NR5A2: variants seen among roughly 807,000 people sequenced by gnomAD.
The protein encoded by NR5A2 is nuclear receptor subfamily 5 group A member 2.
In NR5A2, 26 loss-of-function variants were observed where a neutral mutation model predicts 62.7. The observed-to-expected ratio is 0.41, with a 90% CI of 0.30 to 0.58. The LOEUF is 0.58. NR5A2 is among the 20% of genes least tolerant of loss of function. The pLI is 0.22. For missense variants in NR5A2, 541 were observed against 669.1 expected, an observed-to-expected ratio of 0.81 and a Z score of 2.11; for synonymous variants, 246 against 241.7, an observed-to-expected ratio of 1.02 and a Z score of -0.16.
chr1:200,100,431 C>T (rs1665313214), intron 5 of NR5A2, among the ~76,000 whole-genome samples: 1 of 152,098 alleles, frequency 6.6e-6, no homozygotes, highest in African/African-American at 2.4e-5. Flanking sequence ...CCCAAAGTTA[C>T]CTGGTTAGTG....
chr1:200,056,311 T>A (rs1470106684), intron 5 of NR5A2, among the ~76,000 whole-genome samples: 1 of 152,234 alleles, frequency 6.6e-6, no homozygotes, highest in Non-Finnish European at 1.5e-5. Flanking sequence ...ACTGTGGGGA[T>A]GTGTATTGTT....
intron 5 of NR5A2, among the ~76,000 whole-genome samples, chr1:200,063,217 T>C (rs1175294200): frequency 6.6e-6 from 1 of 152,006 alleles, no homozygotes; most frequent in Admixed American, 6.6e-5. Flanking sequence ...GTGGAGACAG[T>C]GTTTCACCAT....
At chr1:200,110,515 T>G (rs896006175) in intron 5 of NR5A2, among the ~76,000 whole-genome samples, 1 of 152,186 alleles carries the variant, frequency 6.6e-6, no homozygotes, top group Admixed American at 6.5e-5. Context: ...GGAAGATACT[T>G]ACTGTTCTTG....
At chr1:200,086,453 G>A (rs574991163) in intron 5 of NR5A2, among the ~76,000 whole-genome samples, 195 of 152,118 alleles carry the variant, frequency 1.3e-3, no homozygotes, top group Non-Finnish European at 2.2e-3. Context: ...ACAGGCATGC[G>A]CCACCATACC....
chr1:200,048,910 T>G lies in NR5A2; in HGVS notation c.1110+92T>G, dbSNP rs1662509454. The G allele has an allele frequency of 1.4e-6, 2 of 1,431,848 alleles. No individual in the cohort carries two copies. The highest frequency in any genetic ancestry group is 1.9e-6 in the Non-Finnish European group (2 of 1,048,628). 88.7% of individuals were successfully genotyped at this position (1,431,848 alleles called of 1,614,324 possible). A position where few individuals can be genotyped will look rare whatever the true frequency, so the allele number is the denominator to read the frequency against. The stretch of plus-strand genomic sequence containing the variant: ...ATACATTCTTGGTGCTGAAAATATG[T>G]GTTCCTTAATTTTCTACTTTGTATG... On this transcript the variant is annotated intron_variant, in intron 5 of 7. Transcript: ENST00000367362. The surrounding 1 kb of genome is among the most constrained non-coding windows in gnomAD (Gnocchi z 4.8).
intron 5 of NR5A2, among the ~76,000 whole-genome samples, chr1:200,080,660 T>C (rs753403018): frequency 3.3e-5 from 5 of 152,236 alleles, no homozygotes; most frequent in Non-Finnish European, 2.9e-5. Context: ...TTTGTGGACA[T>C]TTTATCTCGA....
At chr1:200,097,679 T>C (rs1665162228) in intron 5 of NR5A2, among the ~76,000 whole-genome samples, 1 of 152,192 alleles carries the variant, frequency 6.6e-6, no homozygotes, top group South Asian at 2.1e-4. Flanking sequence ...AAAGGGATTG[T>C]CTTGGGACTG....
intron 5 of NR5A2, among the ~76,000 whole-genome samples, chr1:200,099,356 T>C (rs77914286): frequency 5.0e-5 from 7 of 140,258 alleles, no homozygotes; most frequent in South Asian, 4.6e-4. Context: ...TTTTTTTTTT[T>C]CCTGGCTTTG....
At position 200,048,439 on chromosome 1, in the gene NR5A2, C is replaced by G. The variant is rs749157454; in HGVS notation, c.731C>G (p.Pro244Arg). Residue 244 changes from proline (P) to arginine (R), a missense_variant, in exon 5 of 8, where the codon CCC becomes CGC. Pro to Arg is a moderately radical substitution (Grantham distance 103). Around this residue, in one of 3 missense-constraint regions of NR5A2, gnomAD observed 379 missense variants for 442.0 expected, o/e 0.86. Coordinates refer to ENST00000367362, the MANE Select transcript of NR5A2 (RefSeq NM_205860.3). The surrounding 1 kb of genome is among the most constrained non-coding windows in gnomAD (Gnocchi z 4.8). ...DYDRSPFVTS[P>R]ISMTMPPHGS... ...GACAGAAGTCCCTTTGTAACATCCC[C>G]CATTAGCATGACAATGCCCCCTCAC... is the stretch of plus-strand genomic sequence containing the variant. 2.5e-6 allele frequency: 4 copies of G among 1,614,196 alleles called. No individual in the cohort carries two copies. Among genetic ancestry groups the G allele is most frequent in the Non-Finnish European group, 3.4e-6 (4 of 1,180,042 alleles).
In NR5A2 at chr1:200,175,859, C is replaced by T. The variant is rs1051595580; in HGVS notation, c.*1649C>T. 1 of 152,594 alleles carries T rather than the reference C, an allele frequency of 6.6e-6. No homozygotes were observed. Among genetic ancestry groups the T allele is most frequent in the Non-Finnish European group, 1.5e-5 (1 of 68,020 alleles). The allele number at this position is 152,594 out of a possible 1,614,324, so 9.5% of individuals were successfully genotyped here. ...TAGAAACTGTAAAAAATAAAAGTAT[C>T]TCCTAGTCCCTTAATTTTTTCATAA... On this transcript the variant is annotated 3_prime_UTR_variant, in exon 8 of 8. Transcript: ENST00000367362.
intron 7 of NR5A2, among the ~76,000 whole-genome samples, chr1:200,151,731 G>A (rs572153079): frequency 5.9e-5 from 9 of 152,330 alleles, no homozygotes; most frequent in South Asian, 4.1e-4. Flanking sequence ...CGATTCCTAC[G>A]TGGTTTTTGT....
intron 1 of NR5A2, among the ~76,000 whole-genome samples, chr1:200,030,300 G>C (rs772068040): frequency 6.6e-6 from 1 of 152,136 alleles, no homozygotes; most frequent in Non-Finnish European, 1.5e-5. Context: ...TTAAAAAGCT[G>C]TCTCCATGGT....
chr1:200,045,780 A>C (rs1287707279), intron 4 of NR5A2, among the ~76,000 whole-genome samples, 196 bp downstream of exon 4: 1 of 152,154 alleles, frequency 6.6e-6, no homozygotes, highest in Non-Finnish European at 1.5e-5. Context: ...ACTAGGAAAA[A>C]AATTTAAAAT....
Position 200,120,948 on chromosome 1 carries a change from T to C in NR5A2, c.1371T>C (p.Phe457=). ...TATGTCTGAAATTCTTGGTGCTCTTTAGTTTAGGTAAGAAATCCTTTTCTC... is the reference window on the plus strand; with the variant it reads ...TATGTCTGAAATTCTTGGTGCTCTTCAGTTTAGGTAAGAAATCCTTTTCTC... The part of the protein sequence containing the change: ...EFVCLKFLVL[F]SLDVKNLENF... The change falls in exon 7 of 8, where the codon TTT becomes TTC. Residue 457 remains phenylalanine (F), a synonymous_variant. Coordinates refer to ENST00000367362, the MANE Select transcript of NR5A2 (RefSeq NM_205860.3). The C allele has an allele frequency of 6.2e-7, 1 of 1,613,920 alleles. No homozygotes were observed. The highest frequency in any genetic ancestry group is 8.5e-7 in the Non-Finnish European group (1 of 1,179,906).
Position 200,039,524 on chromosome 1 carries a change from G to C in NR5A2, c.65-134G>C. The C allele has an allele frequency of 7.8e-7, 1 of 1,285,920 alleles. No individual in the cohort carries two copies. The highest frequency in any genetic ancestry group is 1.3e-5 in the South Asian group (1 of 74,986). The allele number at this position is 1,285,920 out of a possible 1,614,324, so 79.7% of individuals were successfully genotyped here. The stretch of plus-strand genomic sequence containing the variant: ...CTCCGGAGCTGCGAGACCGGACAGG[G>C]CTCAGAGGTCCTGCCCGGCAGCCCC... On this transcript the variant is annotated intron_variant, in intron 1 of 7. Coordinates refer to ENST00000367362, the MANE Select transcript of NR5A2 (RefSeq NM_205860.3). The surrounding 1 kb of genome is among the most constrained non-coding windows in gnomAD (Gnocchi z 5.1).
At chr1:200,088,331 C>T (rs958540651) in intron 5 of NR5A2, among the ~76,000 whole-genome samples, 1 of 152,122 alleles carries the variant, frequency 6.6e-6, no homozygotes, top group Non-Finnish European at 1.5e-5. Context: ...GATCCTGGCT[C>T]ACTGCAACCT....
At chr1:200,107,561 A>G (rs1665742326) in intron 5 of NR5A2, among the ~76,000 whole-genome samples, 1 of 152,246 alleles carries the variant, frequency 6.6e-6, no homozygotes. Context: ...TTTTTAGAGA[A>G]GCAGAGGAAC....
At chr1:200,119,002 C>T (rs1666366336) in intron 6 of NR5A2, among the ~76,000 whole-genome samples, 1 of 152,220 alleles carries the variant, frequency 6.6e-6, no homozygotes, top group Admixed American at 6.5e-5. Flanking sequence ...AGCAGGTAGA[C>T]AGTGCTGTAC....
At chr1:200,090,981 T>A (rs1010374375) in intron 5 of NR5A2, among the ~76,000 whole-genome samples, 11 of 152,346 alleles carry the variant, frequency 7.2e-5, no homozygotes, top group African/African-American at 2.6e-4. Flanking sequence ...ATTGACTGGC[T>A]TTTAAAGTAG....
Sources: allele counts gnomAD v4.1 joint callset (sites outside exome capture counted in the v4.1 genomes callset), GRCh38; gene constraint gnomAD v4.1.1; regional missense constraint gnomAD v4.1.1; non-coding constraint Gnocchi (gnomAD v3.1); transcripts MANE v1.5; gene names NCBI Gene and HGNC (gene_info 2026-07-23, HGNC 2026-07-21).